Variants in CNTN3 observed in about 807,000 individuals in gnomAD.
The protein encoded by CNTN3 is contactin 3.
Under a neutral mutation model 119.1 loss-of-function variants are expected in CNTN3, and 60 were observed. The observed-to-expected ratio is 0.50, with a 90% confidence interval of 0.41 to 0.62. The LOEUF (loss-of-function observed/expected upper bound fraction) is 0.62, where lower values mean the gene tolerates loss of function less well. CNTN3 is among the 20% of genes least tolerant of loss of function. The pLI is 0.00. For missense variants in CNTN3, 1,101 were observed against 1,242.4 expected, an observed-to-expected ratio of 0.89 and a Z score of 1.71; for synonymous variants, 450 against 438.7, an observed-to-expected ratio of 1.03 and a Z score of -0.32.
In CNTN3 at chr3:74,285,488, G is replaced by T. The variant is rs1413616023; in HGVS notation, c.2521C>A (p.Arg841=). The T allele has an allele frequency of 1.9e-6, 3 of 1,606,818 alleles. No individual in the cohort carries two copies. The highest frequency in any genetic ancestry group is 2.5e-6 in the Non-Finnish European group (3 of 1,177,094). ...TCCTTTCCACCCCCATTCCAGTACCGCACCTGGTGGGCGGAAGACACCAAA... is the reference window on the plus strand; with the variant it reads ...TCCTTTCCACCCCCATTCCAGTACCTCACCTGGTGGGCGGAAGACACCAAA... ...SNGHLLGYEV[R]YWNGGGKEES... The change falls in exon 20 of 23, where the codon CGG becomes AGG. Residue 841 remains arginine, a synonymous_variant. Coordinates refer to ENST00000263665, the MANE Select transcript of CNTN3 (RefSeq NM_020872.3).
At chr3:74,522,879 T>G (rs1334416971) in intron 1 of CNTN3, among the ~76,000 whole-genome samples, 2 of 151,876 alleles carry the variant, frequency 1.3e-5, no homozygotes, top group African/African-American at 4.8e-5. Context: ...ACACGCAGTG[T>G]CTGCTACACT....
At chr3:74,515,057 G>A (rs1703428763) in intron 2 of CNTN3, among the ~76,000 whole-genome samples, 1 of 152,014 alleles carries the variant, frequency 6.6e-6, no homozygotes, top group African/African-American at 2.4e-5. Context: ...GGAGGGAGTT[G>A]GGTATGTGGG....
chr3:74,357,269 A>T (rs1004256124), intron 11 of CNTN3, among the ~76,000 whole-genome samples: 1 of 149,700 alleles, frequency 6.7e-6, no homozygotes, highest in Non-Finnish European at 1.5e-5. Context: ...AGGCACATTT[A>T]TCAGTTTATC....
rs1454668936 is a variant in CNTN3, at chr3:74,385,523, C to T, written c.455-14124G>A. Among the ~76,000 whole-genome samples the T allele has an allele frequency of 2.0e-5, 3 of 152,174 alleles. No homozygotes were observed. In the East Asian group the frequency reaches 5.8e-4, roughly 29 times the overall value. On this transcript the variant is annotated intron_variant, in intron 5 of 22. Coordinates refer to ENST00000263665, the MANE Select transcript of CNTN3 (RefSeq NM_020872.3). Reference sequence around the variant, plus strand: ...GCGTAATTTTGGAAAGAGGACAGACCTCTGCATTGGAGTCATAGGATTTGA... The same window carrying T: ...GCGTAATTTTGGAAAGAGGACAGACTTCTGCATTGGAGTCATAGGATTTGA...
At chr3:74,385,060 T>C (rs183540815) in intron 5 of CNTN3, among the ~76,000 whole-genome samples, 2 of 152,350 alleles carry the variant, frequency 1.3e-5, no homozygotes, top group Non-Finnish European at 1.5e-5. Flanking sequence ...CTCATAGCTA[T>C]ATTTTATTTC....
At chr3:74,411,494 A>G (rs550149884) in intron 5 of CNTN3, among the ~76,000 whole-genome samples, 133 of 152,308 alleles carry the variant, frequency 8.7e-4, no homozygotes, top group African/African-American at 3.2e-3. Flanking sequence ...GGTAAAATCA[A>G]TATTATCCCA....
chr3:74,569,664 TAACA>T (rs1704279606), intron 1 of CNTN3, among the ~76,000 whole-genome samples: 1 of 152,192 alleles, frequency 6.6e-6, no homozygotes, highest in Non-Finnish European at 1.5e-5. Flanking sequence ...TATTGCTGCA[TAACA>T]AATAACCATG....
intron 1 of CNTN3, among the ~76,000 whole-genome samples, chr3:74,549,430 G>T (rs900473950): frequency 1.3e-5 from 2 of 152,162 alleles, no homozygotes; most frequent in Non-Finnish European, 2.9e-5. Flanking sequence ...AGCAGTGGGA[G>T]AATGGACTGA....
intron 19 of CNTN3, among the ~76,000 whole-genome samples, chr3:74,288,411 G>A (rs185069380): frequency 4.7e-4 from 71 of 151,828 alleles, no homozygotes; most frequent in African/African-American, 1.7e-3. Context: ...CACCCTCCTC[G>A]GCCTCCCAAA....
At position 74,397,732 on chromosome 3, in the gene CNTN3, A is replaced by G. The variant is rs57997564; in HGVS notation, c.455-26333T>C. 6.3e-4 allele frequency among the ~76,000 whole-genome samples: 96 copies of G among 152,306 alleles called. No individual in the cohort carries two copies. The East Asian group carries it at 0.015, about 24-fold the overall frequency. On this transcript the variant is annotated intron_variant, in intron 5 of 22. Coordinates refer to ENST00000263665, the MANE Select transcript of CNTN3 (RefSeq NM_020872.3). Reference sequence around the variant, plus strand: ...CCTCTGATTGATCTGTGCAAAGTAAATTGAAAACCTTCTGGGAAGGACTCA... The same window carrying G: ...CCTCTGATTGATCTGTGCAAAGTAAGTTGAAAACCTTCTGGGAAGGACTCA...
intron 1 of CNTN3, among the ~76,000 whole-genome samples, chr3:74,560,184 T>C (rs559060432): frequency 6.6e-6 from 1 of 152,182 alleles, no homozygotes; most frequent in Non-Finnish European, 1.5e-5. Flanking sequence ...CTTTAATGTA[T>C]AAGTTCCTTC....
intron 4 of CNTN3, among the ~76,000 whole-genome samples, chr3:74,461,492 G>T (rs1364547765): frequency 6.6e-6 from 1 of 151,922 alleles, no homozygotes; most frequent in Non-Finnish European, 1.5e-5. Context: ...TTATATTAAG[G>T]ATCAATAATA....
chr3:74,486,064 A>T lies in CNTN3; in HGVS notation c.358+392T>A, dbSNP rs57382985. 4.3e-3 allele frequency among the ~76,000 whole-genome samples: 649 copies of T among 149,526 alleles called. 8 individuals are homozygous for T. The highest frequency in any genetic ancestry group is 0.015 in the African/African-American group (624 of 40,988). On this transcript the variant is annotated intron_variant, in intron 4 of 22. Transcript: ENST00000263665. Reference sequence around the variant, plus strand: ...TGGAATTTTCTAAAAGTTCTTCAAAAGCAAGGACCATCTCTGACAATTCTT... The same window carrying T: ...TGGAATTTTCTAAAAGTTCTTCAAATGCAAGGACCATCTCTGACAATTCTT...
chr3:74,398,119 T>C (rs1705100902), intron 5 of CNTN3, among the ~76,000 whole-genome samples: 1 of 152,224 alleles, frequency 6.6e-6, no homozygotes, highest in African/African-American at 2.4e-5. Context: ...ACTTAGTAGA[T>C]AAAGCAGTGA....
At chr3:74,411,888 T>C (rs1701444605) in intron 5 of CNTN3, among the ~76,000 whole-genome samples, 1 of 152,076 alleles carries the variant, frequency 6.6e-6, no homozygotes, top group Admixed American at 6.6e-5. Flanking sequence ...CAAATCAGAA[T>C]TTAGAAGAAG....
chr3:74,476,419 G>T (rs1245663012), intron 4 of CNTN3, among the ~76,000 whole-genome samples: 3 of 152,132 alleles, frequency 2.0e-5, no homozygotes, highest in African/African-American at 7.2e-5. Context: ...GTTCCTGGCA[G>T]CAGCAATAAC....
At chr3:74,288,646 A>T (rs1392320976) in intron 19 of CNTN3, among the ~76,000 whole-genome samples, 2 of 152,186 alleles carry the variant, frequency 1.3e-5, no homozygotes, top group African/African-American at 4.8e-5. Context: ...GTATCATTTC[A>T]CAAGCGTAGA....
chr3:74,499,623 T>C (rs773060289), intron 3 of CNTN3, 36 bp downstream of exon 3: 2 of 1,572,502 alleles, frequency 1.3e-6, no homozygotes, highest in South Asian at 1.2e-5. Flanking sequence ...GTGTGTTTAG[T>C]TTTTTTTATT....
intron 13 of CNTN3, among the ~76,000 whole-genome samples, chr3:74,312,381 G>A (rs1005105042): frequency 5.3e-5 from 8 of 150,206 alleles, no homozygotes; most frequent in Middle Eastern, 3.5e-3. Context: ...GCATGAACCC[G>A]GGAGGCGGAG....
Sources: gnomAD v4.1 joint callset for allele counts (sites outside exome capture counted in the v4.1 genomes callset) on GRCh38, gnomAD v4.1.1 for gene constraint, MANE v1.5 for transcripts, NCBI Gene and HGNC (gene_info 2026-07-23, HGNC 2026-07-21) for gene names.